The following NDUFA10 variants were observed in gnomAD, a reference collection of about 807,000 sequenced individuals.
The protein encoded by NDUFA10 is NADH:ubiquinone oxidoreductase subunit A10.
NDUFA10 carries 40 observed loss-of-function variants against 47.8 expected under a neutral mutation model. That is an observed-to-expected ratio of 0.84 (90% CI 0.65 to 1.09). The LOEUF is 1.09. Among genes scored for constraint, NDUFA10 ranks in the 50% least tolerant of loss-of-function variants. The pLI is 0.00. For missense variants in NDUFA10, 413 were observed against 451.1 expected (o/e 0.92, Z 0.76); for synonymous variants, 183 against 172.2 (o/e 1.06, Z -0.49).
chr2:239,936,440 C>T (rs1331231437), intron 4 of NDUFA10, among the ~76,000 whole-genome samples: 3 of 152,208 alleles, frequency 2.0e-5, no homozygotes, highest in African/African-American at 4.8e-5. Flanking sequence ...ACGGTGGATA[C>T]GTGTCATTAT....
rs1319932609 is a variant in NDUFA10, at chr2:239,898,959, G to GAT, written c.295-3646_295-3645insAT. 9.8e-5 allele frequency among the ~76,000 whole-genome samples: 11 copies of GAT among 112,752 alleles called. No individual in the cohort carries two copies. In the East Asian group the frequency reaches 2.5e-3, roughly 26 times the overall value. 74.0% of individuals were successfully genotyped at this position (112,752 alleles called of 152,430 possible). A position where few individuals can be genotyped will look rare whatever the true frequency, so the allele number is the denominator to read the frequency against. ...GTGACGGAGGGGTGTGGAGGGGTGT[G>GAT]GCAGGGTGTGATGAAGAGGTATGAT... On this transcript the variant is annotated intron_variant, in intron 4 of 5. Coordinates refer to the NDUFA10 transcript ENST00000419408.
chr2:239,930,641 A>C (rs1298256156), intron 4 of NDUFA10, among the ~76,000 whole-genome samples: 1 of 152,142 alleles, frequency 6.6e-6, no homozygotes, highest in Non-Finnish European at 1.5e-5. Flanking sequence ...AAGGAAAGGT[A>C]CACAGGGCGG....
In NDUFA10 at chr2:240,005,312, T is replaced by C. The variant is rs1696907148; in HGVS notation, c.805-17A>G. ...CTCTACCACCTAAGACAGGAAAAAT[T>C]CCAATTTAAACAGAGAACCCCATTT... On this transcript the variant is annotated splice_polypyrimidine_tract_variant and intron_variant, in intron 7 of 9. Coordinates refer to ENST00000252711, the MANE Select transcript of NDUFA10 (RefSeq NM_004544.4). 5.0e-6 allele frequency: 8 copies of C among 1,604,170 alleles called. No homozygotes were observed. The highest frequency in any genetic ancestry group is 6.0e-6 in the Non-Finnish European group (7 of 1,171,092).
Position 240,020,135 on chromosome 2 carries a change from G to C in NDUFA10, c.460+1062C>G, listed in dbSNP as rs1272566654. ...GTGGAGACCTGAAGGAGCATAGGCA[G>C]CGGCTCCTAGCTCAGCTCTGAGAAG... On this transcript the variant is annotated intron_variant, in intron 3 of 9. Coordinates refer to ENST00000252711, the MANE Select transcript of NDUFA10 (RefSeq NM_004544.4). 3.3e-5 allele frequency among the ~76,000 whole-genome samples: 5 copies of C among 152,238 alleles called. No individual in the cohort carries two copies. In the East Asian group the frequency reaches 9.6e-4, roughly 29 times the overall value.
At chr2:239,922,796 T>C (rs1694010193) in intron 4 of NDUFA10, among the ~76,000 whole-genome samples, 1 of 152,188 alleles carries the variant, frequency 6.6e-6, no homozygotes, top group African/African-American at 2.4e-5. Flanking sequence ...GTAAGCACCC[T>C]AAGAATCCCC....
At chr2:239,988,801 GA>G (rs1471129215) in intron 9 of NDUFA10, among the ~76,000 whole-genome samples, 1 of 152,190 alleles carries the variant, frequency 6.6e-6, no homozygotes, top group Admixed American at 6.5e-5. Flanking sequence ...CCCACTCAAA[GA>G]GGGAGAAACA....
chr2:239,899,902 T>G lies in NDUFA10; in HGVS notation c.295-4588A>C, dbSNP rs144704910. 3.3e-5 allele frequency among the ~76,000 whole-genome samples: 5 copies of G among 151,262 alleles called. No homozygotes were observed. In the East Asian group the frequency reaches 9.7e-4, roughly 29 times the overall value. The stretch of plus-strand genomic sequence containing the variant: ...CGGGAAGCCCACCAATCATCCACAG[T>G]CAGTAGGCCAGGAAGCCCACCCATC... On this transcript the variant is annotated intron_variant, in intron 4 of 5. Coordinates refer to the NDUFA10 transcript ENST00000419408.
At chr2:239,992,148 G>A (rs924841974) in intron 8 of NDUFA10, among the ~76,000 whole-genome samples, 3 of 152,146 alleles carry the variant, frequency 2.0e-5, no homozygotes, top group African/African-American at 4.8e-5. Flanking sequence ...ATCATTTTAT[G>A]ACTCAGGAAG....
chr2:239,898,895 G>A lies in NDUFA10; in HGVS notation c.295-3581C>T, dbSNP rs148244399. Reference sequence around the variant, plus strand: ...TCCTTCTCTCCACATGTAAAGGGGTGTGAAGGAGGGGAGTGATGGAAGGTT... The same window carrying A: ...TCCTTCTCTCCACATGTAAAGGGGTATGAAGGAGGGGAGTGATGGAAGGTT... On this transcript the variant is annotated intron_variant, in intron 4 of 5. Coordinates refer to the NDUFA10 transcript ENST00000419408. Among the ~76,000 whole-genome samples, 893 of 152,198 alleles carry A rather than the reference G, an allele frequency of 5.9e-3. 24 individuals are homozygous for A. Among genetic ancestry groups the A allele is most frequent in the African/African-American group, 0.021 (861 of 41,496 alleles).
At position 239,959,091 on chromosome 2, in the gene NDUFA10, G is replaced by C; in HGVS notation, c.*2027C>G. 1 of 985,476 alleles carries C rather than the reference G, an allele frequency of 1.0e-6. No individual in the cohort carries two copies. Among genetic ancestry groups the C allele is most frequent in the South Asian group, 4.7e-5 (1 of 21,292 alleles). 61.0% of individuals were successfully genotyped at this position (985,476 alleles called of 1,614,324 possible). A position where few individuals can be genotyped will look rare whatever the true frequency, so the allele number is the denominator to read the frequency against. ...TTATTCATCTTTCTCTGCTGAACAT[G>C]CATGTCATTGAAAACACCAGAAAAT... On this transcript the variant is annotated 3_prime_UTR_variant, in exon 10 of 10. Coordinates refer to ENST00000252711, the MANE Select transcript of NDUFA10 (RefSeq NM_004544.4).
At chr2:239,919,886 G>A (rs13427218) in intron 4 of NDUFA10, among the ~76,000 whole-genome samples, 1 of 152,064 alleles carries the variant, frequency 6.6e-6, no homozygotes, top group Non-Finnish European at 1.5e-5. Flanking sequence ...GGCCGCCCAG[G>A]TCTGCCATAG....
At chr2:239,977,068 G>C (rs1695551551) in intron 9 of NDUFA10, among the ~76,000 whole-genome samples, 1 of 152,108 alleles carries the variant, frequency 6.6e-6, no homozygotes, top group Non-Finnish European at 1.5e-5. Context: ...AGGAAGAGCT[G>C]GGAAACCTTC....
In NDUFA10 at chr2:239,913,273, G is replaced by T. The variant is rs140741190; in HGVS notation, c.295-17959C>A. Among the ~76,000 whole-genome samples the T allele has an allele frequency of 7.9e-5, 12 of 152,364 alleles. No homozygotes were observed. The East Asian group carries it at 2.1e-3, about 27-fold the overall frequency. ...AGGTGGGAGTCGTAGCTGACTGGGG[G>T]TGAGGCCACTCATGCTTAGCTTGCT... On this transcript the variant is annotated intron_variant, in intron 4 of 5. Transcript: ENST00000419408.
intron 8 of NDUFA10, among the ~76,000 whole-genome samples, chr2:239,999,632 A>C (rs1030997382): frequency 1.1e-4 from 16 of 151,762 alleles, no homozygotes; most frequent in Admixed American, 9.8e-4. Flanking sequence ...GCTTCCCTCA[A>C]CCCTGCCCTG....
chr2:239,917,211 G>C (rs985503419), intron 4 of NDUFA10, among the ~76,000 whole-genome samples: 1 of 152,110 alleles, frequency 6.6e-6, no homozygotes, highest in Admixed American at 6.5e-5. Context: ...AAATTAAAAA[G>C]AGAAAGAAAT....
chr2:240,007,171 T>C (rs1305518110), intron 7 of NDUFA10, 145 bp downstream of exon 7: 8 of 680,214 alleles, frequency 1.2e-5, no homozygotes, highest in Non-Finnish European at 1.9e-5. Context: ...AGTGTGATGA[T>C]GGGTTTGACT....
At chr2:239,929,966 C>T (rs1694135362) in intron 4 of NDUFA10, among the ~76,000 whole-genome samples, 1 of 144,892 alleles carries the variant, frequency 6.9e-6, no homozygotes, top group South Asian at 2.3e-4. Flanking sequence ...CCCTGCTTCT[C>T]CACCGCCCCT....
chr2:239,952,729 G>C (rs1237415638), downstream of NDUFA10, among the ~76,000 whole-genome samples: 1 of 152,232 alleles, frequency 6.6e-6, no homozygotes, highest in African/African-American at 2.4e-5. Context: ...GCACCACATG[G>C]GGACAGGGAT....
At chr2:239,983,601 C>G in intron 9 of NDUFA10, 1 of 1,592,140 alleles carries the variant, frequency 6.3e-7, no homozygotes, top group South Asian at 1.1e-5. Flanking sequence ...CCAGCAAGCA[C>G]GACCTCAGCC....
Sources: gnomAD v4.1 joint callset for allele counts (sites outside exome capture counted in the v4.1 genomes callset) on GRCh38, gnomAD v4.1.1 for gene constraint, MANE v1.5 for transcripts, NCBI Gene and HGNC (gene_info 2026-07-23, HGNC 2026-07-21) for gene names.